Variants in VWC2L observed in about 807,000 individuals in gnomAD.
VWC2L encodes the protein von Willebrand factor C domain containing 2 like.
Under a neutral mutation model 21.6 loss-of-function variants are expected in VWC2L, and 10 were observed. That is an observed-to-expected ratio of 0.46 (90% CI 0.29 to 0.78). The LOEUF is 0.78. Among genes scored for constraint, VWC2L ranks in the 30% least tolerant of loss-of-function variants. The pLI is 0.10. For synonymous variants in VWC2L, 96 were observed against 94.3 expected, an observed-to-expected ratio of 1.02 and a Z score of -0.10; for missense variants, 209 against 277.1, an observed-to-expected ratio of 0.75 and a Z score of 1.74.
chr2:214,535,745 A>G (rs1481934771), intron 3 of VWC2L, among the ~76,000 whole-genome samples: 3 of 151,992 alleles, frequency 2.0e-5, no homozygotes, highest in Non-Finnish European at 4.4e-5. Context: ...AAATTTTATA[A>G]CAAAAGTCAA....
At chr2:214,490,311 T>C (rs1688728642) in intron 3 of VWC2L, among the ~76,000 whole-genome samples, 1 of 150,822 alleles carries the variant, frequency 6.6e-6, no homozygotes, top group Non-Finnish European at 1.5e-5. Context: ...GACACATTTT[T>C]TAAAACACTA....
At chr2:214,565,002 A>G (rs1690040535) in intron 3 of VWC2L, among the ~76,000 whole-genome samples, 1 of 152,056 alleles carries the variant, frequency 6.6e-6, no homozygotes, top group Non-Finnish European at 1.5e-5. Flanking sequence ...GTTTGTCTAC[A>G]TTTGTTTTAC....
At chr2:214,458,303 G>T (rs1372496761) in intron 3 of VWC2L, among the ~76,000 whole-genome samples, 1 of 151,758 alleles carries the variant, frequency 6.6e-6, no homozygotes, top group Admixed American at 6.6e-5. Context: ...CTCCTGATTT[G>T]TATGAGTGTC....
At chr2:214,532,778 G>A (rs1689460011) in intron 3 of VWC2L, among the ~76,000 whole-genome samples, 1 of 152,124 alleles carries the variant, frequency 6.6e-6, no homozygotes. Flanking sequence ...GCAGTGAGCA[G>A]AACTCATTTC....
chr2:214,447,651 A>C (rs1702858633), intron 3 of VWC2L, among the ~76,000 whole-genome samples: 1 of 152,100 alleles, frequency 6.6e-6, no homozygotes, highest in African/African-American at 2.4e-5. Flanking sequence ...CTTAAATGTA[A>C]ATGCCTTCAA....
At chr2:214,557,926 C>T (rs1177385369) in intron 3 of VWC2L, among the ~76,000 whole-genome samples, 1 of 152,174 alleles carries the variant, frequency 6.6e-6, no homozygotes, top group African/African-American at 2.4e-5. Context: ...AACTATCCTC[C>T]CTCTGCACTG....
chr2:214,552,659 C>T (rs1343631420), intron 3 of VWC2L, among the ~76,000 whole-genome samples: 2 of 152,198 alleles, frequency 1.3e-5, no homozygotes, highest in African/African-American at 4.8e-5. Flanking sequence ...TCTCTACTCA[C>T]GACTTAAATG....
intron 3 of VWC2L, among the ~76,000 whole-genome samples, chr2:214,547,732 G>A (rs981159979): frequency 6.6e-6 from 1 of 152,198 alleles, no homozygotes; most frequent in African/African-American, 2.4e-5. Context: ...TGAAGTGACA[G>A]ATATTCCATG....
chr2:214,428,938 A>G (rs558534448), intron 2 of VWC2L, among the ~76,000 whole-genome samples: 25 of 152,084 alleles, frequency 1.6e-4, no homozygotes, highest in Non-Finnish European at 3.2e-4. Flanking sequence ...TCTTAAATTC[A>G]GTGTCATCCA....
chr2:214,425,264 G>A (rs553264951), intron 2 of VWC2L, among the ~76,000 whole-genome samples: 10 of 152,330 alleles, frequency 6.6e-5, no homozygotes, highest in South Asian at 2.1e-4. Flanking sequence ...GGTTACAGCC[G>A]TTTGGGTACT....
intron 3 of VWC2L, chr2:214,472,344 AT>A (rs1703322258): frequency 1.3e-5 from 2 of 152,340 alleles, no homozygotes; most frequent in African/African-American, 4.8e-5. Context: ...GAAAAGGATA[AT>A]GTTTGCTAAG....
intron 2 of VWC2L, among the ~76,000 whole-genome samples, chr2:214,420,259 G>A (rs1702419818): frequency 1.3e-5 from 2 of 152,070 alleles, no homozygotes; most frequent in Non-Finnish European, 2.9e-5. Flanking sequence ...CTGTAAAAAC[G>A]TTTGAGTGGG....
At chr2:214,527,739 G>A (rs906387698) in intron 3 of VWC2L, among the ~76,000 whole-genome samples, 8 of 152,072 alleles carry the variant, frequency 5.3e-5, no homozygotes, top group African/African-American at 1.9e-4. Flanking sequence ...CCTGTTTATT[G>A]TCTAAATAAA....
chr2:214,513,923 C>T (rs1689098411), intron 3 of VWC2L, among the ~76,000 whole-genome samples: 1 of 152,110 alleles, frequency 6.6e-6, no homozygotes, highest in Non-Finnish European at 1.5e-5. Flanking sequence ...AGTGGCATGG[C>T]ATCCTCAGTT....
intron 3 of VWC2L, among the ~76,000 whole-genome samples, chr2:214,439,806 ATTAT>A (rs1338659678): frequency 1.3e-5 from 2 of 151,906 alleles, no homozygotes; most frequent in Non-Finnish European, 2.9e-5. Flanking sequence ...TTGTTTTGAT[ATTAT>A]TTAAGAGCAA....
intron 3 of VWC2L, among the ~76,000 whole-genome samples, chr2:214,544,554 A>T (rs1689676231): frequency 6.6e-6 from 1 of 152,114 alleles, no homozygotes; most frequent in African/African-American, 2.4e-5. Context: ...TCCCTGATAT[A>T]GGATGCCATC....
At chr2:214,440,112 A>C (rs1702742351) in intron 3 of VWC2L, among the ~76,000 whole-genome samples, 1 of 151,986 alleles carries the variant, frequency 6.6e-6, no homozygotes, top group Admixed American at 6.6e-5. Context: ...TATACCCAAC[A>C]GTAATCTATT....
intron 3 of VWC2L, among the ~76,000 whole-genome samples, chr2:214,560,683 A>G (rs1364205110): frequency 1.3e-5 from 2 of 152,182 alleles, no homozygotes; most frequent in Non-Finnish European, 2.9e-5. Flanking sequence ...ATAAATATAT[A>G]CTATTTTCTG....
intron 3 of VWC2L, among the ~76,000 whole-genome samples, chr2:214,501,721 CAAAAAA>C (rs776608301): frequency 1.3e-5 from 1 of 79,108 alleles, no homozygotes; most frequent in Non-Finnish European, 2.4e-5. Context: ...GACTCTGTCT[CAAAAAA>C]AAAAAAAAAA....
Sources: allele counts gnomAD v4.1 joint callset (sites outside exome capture counted in the v4.1 genomes callset), GRCh38; gene constraint gnomAD v4.1.1; transcripts MANE v1.5; gene names NCBI Gene and HGNC (gene_info 2026-07-23, HGNC 2026-07-21).